The following GRIN3A variants were observed in gnomAD, a reference collection of about 807,000 sequenced individuals.
GRIN3A encodes the protein glutamate receptor ionotropic, NMDA 3A.
GRIN3A carries 47 observed loss-of-function variants against 92.4 expected under a neutral mutation model. The observed-to-expected ratio is 0.51, with a 90% CI of 0.40 to 0.65. GRIN3A has a LOEUF of 0.65. Among genes scored for constraint, GRIN3A ranks in the 30% least tolerant of loss-of-function variants. The pLI, the probability that GRIN3A is intolerant of heterozygous loss-of-function variation, is 0.00. For missense variants in GRIN3A, 1,324 were observed against 1,393.1 expected, an observed-to-expected ratio of 0.95 and a Z score of 0.79; for synonymous variants, 527 against 540.6, an observed-to-expected ratio of 0.97 and a Z score of 0.35.
intron 3 of GRIN3A, among the ~76,000 whole-genome samples, chr9:101,641,844 T>C (rs1405278178): frequency 1.3e-5 from 2 of 151,730 alleles, no homozygotes; most frequent in Admixed American, 1.3e-4. Context: ...AAACTAAAAC[T>C]TCATGATGTT....
chr9:101,737,295 G>C lies in GRIN3A; in HGVS notation c.685C>G (p.Pro229Ala), dbSNP rs752142730. ...GCTCCTCTCACCTGACTCTCCCGTG[G>C]AAACTCGTGGCGCACGATGCTGATC... The part of the protein sequence containing the change: ...PVISIVRHEF[P>A]RESQNPLHLQ... Residue 229 changes from proline (P) to alanine (A), a missense_variant, in exon 1 of 9, where the codon CCA (proline) becomes GCA (alanine). Coordinates refer to ENST00000361820, the MANE Select transcript of GRIN3A (RefSeq NM_133445.3). 1 of 1,614,100 alleles carries C rather than the reference G, an allele frequency of 6.2e-7. No individual in the cohort carries two copies. The highest frequency in any genetic ancestry group is 1.7e-5 in the Admixed American group (1 of 60,026).
Position 101,670,353 on chromosome 9 carries a change from T to C in GRIN3A, c.2059A>G (p.Ile687Val), listed in dbSNP as rs200116102. 4.3e-6 allele frequency: 7 copies of C among 1,614,036 alleles called. No individual in the cohort carries two copies. The East Asian group carries it at 6.7e-5, about 15-fold the overall frequency. The change falls in exon 3 of 9, where the codon ATC becomes GTC. Residue 687 changes from isoleucine (I) to valine (V), a missense_variant. Transcript: ENST00000361820. Reference protein sequence around the residue: ...MWLGIFVALHITAVFLTLYEW... With the variant: ...MWLGIFVALHVTAVFLTLYEW... ...TACAGAGTGAGGAAGACGGCAGTGA[T>C]GTGCAGAGCCACAAAAATCCCCAGC... is the stretch of plus-strand genomic sequence containing the variant.
intron 6 of GRIN3A, among the ~76,000 whole-genome samples, chr9:101,587,599 C>G (rs898362184): frequency 6.6e-6 from 1 of 152,154 alleles, no homozygotes; most frequent in African/African-American, 2.4e-5. Flanking sequence ...TACATTTACT[C>G]TGACATTCCC....
chr9:101,716,464 T>C (rs1381547058), intron 1 of GRIN3A, among the ~76,000 whole-genome samples: 1 of 152,236 alleles, frequency 6.6e-6, no homozygotes, highest in Non-Finnish European at 1.5e-5. Context: ...TTATTTCTAT[T>C]TTATGAGTAA....
intron 6 of GRIN3A, among the ~76,000 whole-genome samples, chr9:101,581,236 G>T (rs1176736380): frequency 1.3e-5 from 2 of 152,200 alleles, no homozygotes; most frequent in South Asian, 2.1e-4. Flanking sequence ...GCAGGATGGG[G>T]AGGTTGGGTG....
intron 5 of GRIN3A, among the ~76,000 whole-genome samples, chr9:101,618,622 C>A (rs940131136): frequency 2.0e-5 from 3 of 152,058 alleles, no homozygotes; most frequent in African/African-American, 7.2e-5. Flanking sequence ...CAATAATAAT[C>A]ATTTTTAGCT....
chr9:101,579,700 T>C (rs1351287368), intron 6 of GRIN3A, among the ~76,000 whole-genome samples: 4 of 152,222 alleles, frequency 2.6e-5, no homozygotes, highest in African/African-American at 4.8e-5. Flanking sequence ...ATGGGAGGTC[T>C]GTCATGCCTC....
At position 101,670,463 on chromosome 9, in the gene GRIN3A, G is replaced by C; in HGVS notation, c.1949C>G (p.Ser650Cys). Reference protein sequence around the residue: ...QVIDFTSPFFSTSLGILVRTR... With the variant: ...QVIDFTSPFFCTSLGILVRTR... Reference sequence around the variant, plus strand: ...CCTCACTAAGATGCCCAAGCTGGTGGAGAAGAAAGGGCTGGTGAAATCTAT... The same window carrying C: ...CCTCACTAAGATGCCCAAGCTGGTGCAGAAGAAAGGGCTGGTGAAATCTAT... The change falls in exon 3 of 9, where the codon TCC becomes TGC. Residue 650 changes from serine (S) to cysteine (C), a missense_variant. By Grantham distance (112) the Ser-to-Cys change is moderately radical (BLOSUM62 -1). Transcript: ENST00000361820. The C allele has an allele frequency of 6.2e-7, 1 of 1,614,020 alleles. No individual in the cohort carries two copies. The highest frequency in any genetic ancestry group is 8.5e-7 in the Non-Finnish European group (1 of 1,179,956).
chr9:101,648,228 A>T (rs953192895), intron 3 of GRIN3A, among the ~76,000 whole-genome samples: 4 of 152,030 alleles, frequency 2.6e-5, no homozygotes, highest in African/African-American at 9.7e-5. Flanking sequence ...ACTCATTCAT[A>T]GTTCAGGAGC....
chr9:101,629,420 C>T (rs189685967), intron 3 of GRIN3A, among the ~76,000 whole-genome samples: 6 of 152,212 alleles, frequency 3.9e-5, no homozygotes, highest in East Asian at 1.9e-4. Flanking sequence ...TCAGCAAAAT[C>T]GTTCATTTAT....
chr9:101,696,284 A>G (rs924783729), intron 1 of GRIN3A, among the ~76,000 whole-genome samples: 1 of 152,234 alleles, frequency 6.6e-6, no homozygotes, highest in Non-Finnish European at 1.5e-5. Context: ...GAATATTATA[A>G]AAATAGAAGA....
chr9:101,572,719 C>A lies in GRIN3A; in HGVS notation c.*455G>T. 1 of 192,456 alleles carries A rather than the reference C, an allele frequency of 5.2e-6. No individual in the cohort carries two copies. The allele number at this position is 192,456 out of a possible 1,614,324, so 11.9% of individuals were successfully genotyped here. On this transcript the variant is annotated 3_prime_UTR_variant, in exon 9 of 9. Transcript: ENST00000361820. ...CCCCATTCAGAATGTAGGAATAAAT[C>A]TAGATCGGGGAGTTGTATCAAAAGC...
rs1827992511 is a variant in GRIN3A at position 101,589,246 on chromosome 9, T to A, written c.2767-9886A>T. Among the ~76,000 whole-genome samples, 3 of 152,324 alleles carry A rather than the reference T, an allele frequency of 2.0e-5. No homozygotes were observed. The South Asian group carries it at 6.2e-4, about 32-fold the overall frequency. ...CCTCGGCCTCCCAAAGTGCTGGGATTAAAGACGTGAGCCTCTGCACCTGGC... is the reference window on the plus strand; with the variant it reads ...CCTCGGCCTCCCAAAGTGCTGGGATAAAAGACGTGAGCCTCTGCACCTGGC... On this transcript the variant is annotated intron_variant, in intron 6 of 8. Coordinates refer to ENST00000361820, the MANE Select transcript of GRIN3A (RefSeq NM_133445.3).
chr9:101,720,865 G>T (rs1261482539), intron 1 of GRIN3A, among the ~76,000 whole-genome samples: 1 of 152,146 alleles, frequency 6.6e-6, no homozygotes, highest in Non-Finnish European at 1.5e-5. Context: ...AAGAGTGGGA[G>T]GAGGGAGAGG....
chr9:101,665,945 T>C (rs1829231649), intron 3 of GRIN3A, among the ~76,000 whole-genome samples: 1 of 151,988 alleles, frequency 6.6e-6, no homozygotes, highest in Non-Finnish European at 1.5e-5. Context: ...GGCATGAATC[T>C]GCCTCTATTT....
chr9:101,611,473 T>G (rs1334878621), intron 6 of GRIN3A, among the ~76,000 whole-genome samples: 1 of 152,178 alleles, frequency 6.6e-6, no homozygotes, highest in African/African-American at 2.4e-5. Context: ...AAGGTCACAT[T>G]CTGAAGTTCT....
intron 5 of GRIN3A, among the ~76,000 whole-genome samples, chr9:101,614,355 C>T (rs1247363840): frequency 1.3e-5 from 2 of 152,076 alleles, no homozygotes; most frequent in African/African-American, 4.8e-5. Context: ...TTGGAAACAA[C>T]CCAAATGTTC....
At position 101,623,391 on chromosome 9, in the gene GRIN3A, G is replaced by C. The variant is rs78556249; in HGVS notation, c.2541C>G (p.Ala847=). ...CTATTGACACTTCATAATCCAGAAG[G>C]GCTTTGTCCATGATGAAGGCGTCTA... The part of the protein sequence containing the change: ...EKLDAFIMDK[A]LLDYEVSIDA... The change falls in exon 5 of 9, where the codon GCC becomes GCG. Residue 847 remains alanine, a synonymous_variant. Coordinates refer to ENST00000361820, the MANE Select transcript of GRIN3A (RefSeq NM_133445.3). 1 of 1,613,810 alleles carries C rather than the reference G, an allele frequency of 6.2e-7. No homozygotes were observed. The highest frequency in any genetic ancestry group is 8.5e-7 in the Non-Finnish European group (1 of 1,179,728).
At chr9:101,706,368 C>A (rs1207752652) in intron 1 of GRIN3A, among the ~76,000 whole-genome samples, 1 of 152,200 alleles carries the variant, frequency 6.6e-6, no homozygotes, top group Non-Finnish European at 1.5e-5. Flanking sequence ...AAATGACTTC[C>A]ATGGGTGGCC....
Sources: gnomAD v4.1 joint callset for allele counts (sites outside exome capture counted in the v4.1 genomes callset) on GRCh38, gnomAD v4.1.1 for gene constraint, MANE v1.5 for transcripts, NCBI Gene and HGNC (gene_info 2026-07-23, HGNC 2026-07-21) for gene names.